SEMA4B: variants seen among roughly 807,000 people sequenced by gnomAD.
The protein encoded by SEMA4B is semaphorin 4B.
A neutral mutation model predicts 88.1 loss-of-function variants in SEMA4B; 55 were observed. The ratio of observed to expected loss-of-function variants is 0.62; its 90% confidence interval spans 0.50 to 0.78. The LOEUF (loss-of-function observed/expected upper bound fraction) is 0.78, where lower values mean the gene tolerates loss of function less well. Among genes scored for constraint, SEMA4B ranks in the 30% least tolerant of loss-of-function variants. The pLI, the probability that SEMA4B is intolerant of heterozygous loss-of-function variation, is 0.00. For missense variants in SEMA4B, 1,062 were observed against 1,111.9 expected (o/e 0.96, Z 0.64); for synonymous variants, 525 against 473.6 (o/e 1.11, Z -1.41).
chr15:90,191,065 A>C (rs1960329979), intron 1 of SEMA4B, among the ~76,000 whole-genome samples: 1 of 152,214 alleles, frequency 6.6e-6, no homozygotes, highest in Admixed American at 6.5e-5. Context: ...TTGGGGGAGC[A>C]GAGGAGTGAC....
At position 90,229,176 on chromosome 15, in the gene SEMA4B, C is replaced by T. The variant is rs1052468371; in HGVS notation, c.*533C>T. ...CGTGCGTTCTGCCTTGCCAGTCAGC[C>T]GAGGATGTAGTTGTTGCTGCCGTCG... On this transcript the variant is annotated 3_prime_UTR_variant, in exon 14 of 14. Transcript: ENST00000411539. 14 of 389,296 alleles carry T rather than the reference C, an allele frequency of 3.6e-5. No individual in the cohort carries two copies. Among genetic ancestry groups the T allele is most frequent in the Admixed American group, 2.7e-4 (9 of 33,614 alleles). 24.1% of individuals were successfully genotyped at this position (389,296 alleles called of 1,614,324 possible). A position where few individuals can be genotyped will look rare whatever the true frequency, so the allele number is the denominator to read the frequency against.
intron 1 of SEMA4B, among the ~76,000 whole-genome samples, chr15:90,204,088 G>A (rs2151596593): frequency 6.6e-6 from 1 of 152,306 alleles, no homozygotes; most frequent in African/African-American, 2.4e-5. Flanking sequence ...GTGGCCTAAG[G>A]CGGTTTCCTG....
chr15:90,222,918 T>C (rs1961934448), intron 7 of SEMA4B, among the ~76,000 whole-genome samples: 1 of 148,396 alleles, frequency 6.7e-6, no homozygotes. Flanking sequence ...CCCCTCCAAA[T>C]CTTTTTTTTT....
Position 90,228,588 on chromosome 15 carries a change from TGTGCCCCCGGCCCC to T in SEMA4B, c.2461_2474del (p.Cys821GlyfsTer9). ...GACAGCTTCGTGGAGGTATCCCCAG[TGTGCCCCCGGCCCC>T]GGGTCCGCCTTGGCTCGGAGATCCG... On this transcript the variant is annotated frameshift_variant, in exon 14 of 14. Coordinates refer to ENST00000411539, the MANE Select transcript of SEMA4B (RefSeq NM_198925.4). LOFTEE classifies it high-confidence loss of function. 1 of 1,613,614 alleles carries T rather than the reference TGTGCCCCCGGCCCC, an allele frequency of 6.2e-7. No homozygotes were observed. Among genetic ancestry groups the T allele is most frequent in the Non-Finnish European group, 8.5e-7 (1 of 1,179,876 alleles).
chr15:90,222,112 G>C (rs188736271), intron 7 of SEMA4B, among the ~76,000 whole-genome samples: 136 of 150,808 alleles, frequency 9.0e-4, no homozygotes, highest in African/African-American at 3.2e-3. Flanking sequence ...GCTAATTTTT[G>C]TATTTTTTGT....
chr15:90,226,311 T>C (rs939022086), intron 12 of SEMA4B, among the ~76,000 whole-genome samples: 9 of 152,230 alleles, frequency 5.9e-5, no homozygotes, highest in Non-Finnish European at 1.5e-5. Flanking sequence ...CATATGTGTA[T>C]AGATAACAAA....
rs1387885567 is a variant in SEMA4B at position 90,212,153 on chromosome 15, TACTCA to T, written c.158-5285_158-5281del. On this transcript the variant is annotated intron_variant, in intron 1 of 13. Coordinates refer to ENST00000411539, the MANE Select transcript of SEMA4B (RefSeq NM_198925.4). The surrounding 1 kb of genome is among the most constrained non-coding windows in gnomAD (Gnocchi z 4.0). ...ACTTCCTACTCAGAACCCCACTTCC[TACTCA>T]GAACCCCACTTCCTGGGGTGGGGAG... Among the ~76,000 whole-genome samples the T allele has an allele frequency of 1.3e-5, 2 of 148,270 alleles. No individual in the cohort carries two copies. The highest frequency in any genetic ancestry group is 4.9e-5 in the African/African-American group (2 of 40,880).
chr15:90,221,745 C>T lies in SEMA4B; in HGVS notation c.841C>T (p.Arg281Cys), dbSNP rs751058803. ...GTTCTTTGAGAACACCATTGTGTCC[C>T]GCATTGCCCGCATCTGCAAGGTGAG... ...FEFFENTIVS[R>C]IARICKGDEG... Residue 281 changes from arginine (R) to cysteine (C), a missense_variant, in exon 7 of 14, where the codon CGC (arginine) becomes TGC (cysteine). By Grantham distance (180) the Arg-to-Cys change is radical (BLOSUM62 -3). Transcript: ENST00000411539. The T allele has an allele frequency of 5.6e-6, 9 of 1,613,834 alleles. No homozygotes were observed. Among genetic ancestry groups the T allele is most frequent in the Middle Eastern group, 1.6e-4 (1 of 6,062 alleles).
rs542609654 is a variant in SEMA4B at position 90,213,539 on chromosome 15, C to T, written c.158-3900C>T. On this transcript the variant is annotated intron_variant, in intron 1 of 13. Transcript: ENST00000411539. ...GGACTGGCTGGTCTATAGGTTTCCC[C>T]TCCAGCCGGCTGCACTCTGTAGTGC... 1.6e-4 allele frequency among the ~76,000 whole-genome samples: 24 copies of T among 152,380 alleles called. No individual in the cohort carries two copies. The South Asian group carries it at 2.5e-3, about 16-fold the overall frequency.
chr15:90,201,853 C>A (rs1960758780), intron 1 of SEMA4B, 118 bp downstream of exon 1: 2 of 971,280 alleles, frequency 2.1e-6, no homozygotes, highest in Non-Finnish European at 1.4e-6. Context: ...GGCACGGGAT[C>A]CATTAGGACC....
At chr15:90,227,853 A>C in intron 13 of SEMA4B, 51 bp from the exon 14 acceptor site, 2 of 1,601,780 alleles carry the variant, frequency 1.2e-6, no homozygotes, top group South Asian at 1.1e-5. Flanking sequence ...GGGAGCTTGG[A>C]GCTACTGTGG....
At chr15:90,221,828 A>T in intron 7 of SEMA4B, 63 bp downstream of exon 7, 3 of 1,532,380 alleles carry the variant, frequency 2.0e-6, no homozygotes, top group Non-Finnish European at 2.7e-6. Context: ...CAGCTGCAAG[A>T]TCACCCACAT....
chr15:90,224,759 A>AG (rs1962050462), intron 9 of SEMA4B, among the ~76,000 whole-genome samples: 1 of 152,138 alleles, frequency 6.6e-6, no homozygotes, highest in African/African-American at 2.4e-5. Context: ...ACAGCAAGGA[A>AG]GCCCTCCAAG....
chr15:90,186,562 G>A (rs1209920619), intron 1 of SEMA4B, among the ~76,000 whole-genome samples: 1 of 151,988 alleles, frequency 6.6e-6, no homozygotes, highest in African/African-American at 2.4e-5. Context: ...GAGGTTCCCT[G>A]AGCCAGCCGA....
chr15:90,229,146 G>T lies in SEMA4B; in HGVS notation c.*503G>T. On this transcript the variant is annotated 3_prime_UTR_variant, in exon 14 of 14. Coordinates refer to ENST00000411539, the MANE Select transcript of SEMA4B (RefSeq NM_198925.4). Reference sequence around the variant, plus strand: ...TCACTGCAGATTCAGGACCAGCTTGGGCTGCGTGCGTTCTGCCTTGCCAGT... The same window carrying T: ...TCACTGCAGATTCAGGACCAGCTTGTGCTGCGTGCGTTCTGCCTTGCCAGT... The T allele has an allele frequency of 2.7e-6, 1 of 368,596 alleles. No individual in the cohort carries two copies. 22.8% of individuals were successfully genotyped at this position (368,596 alleles called of 1,614,324 possible).
In SEMA4B at chr15:90,228,114, G is replaced by A; in HGVS notation, c.1985G>A (p.Gly662Asp). The A allele has an allele frequency of 6.2e-7, 1 of 1,611,540 alleles. No individual in the cohort carries two copies. The highest frequency in any genetic ancestry group is 2.2e-5 in the East Asian group (1 of 44,840). ...GEFQCWSLEEGFQQLVASYCP... is the reference protein window; with the variant it reads ...GEFQCWSLEEDFQQLVASYCP... ...TTCCAGTGCTGGTCACTAGAGGAGG[G>A]CTTCCAGCAGCTGGTAGCCAGCTAC... The change falls in exon 14 of 14, where the codon GGC becomes GAC. Residue 662 changes from glycine to aspartate, a missense_variant. Coordinates refer to ENST00000411539, the MANE Select transcript of SEMA4B (RefSeq NM_198925.4).
chr15:90,227,402 T>G, intron 12 of SEMA4B, 155 bp from the exon 13 acceptor site: 4 of 617,382 alleles, frequency 6.5e-6, no homozygotes, highest in East Asian at 2.8e-5. Flanking sequence ...AGCTTTGACT[T>G]GAAATAATGT....
At position 90,225,645 on chromosome 15, in the gene SEMA4B, G is replaced by T. The variant is rs372222626; in HGVS notation, c.1522-16G>T. 5 of 1,558,146 alleles carry T rather than the reference G, an allele frequency of 3.2e-6. No homozygotes were observed. Among genetic ancestry groups the T allele is most frequent in the Non-Finnish European group, 4.3e-6 (5 of 1,152,736 alleles). On this transcript the variant is annotated splice_polypyrimidine_tract_variant and intron_variant, in intron 11 of 13. Coordinates refer to ENST00000411539, the MANE Select transcript of SEMA4B (RefSeq NM_198925.4). ...CTGCCCATGCCCGCTTCTCATCCCCGTGTCTGGCTGTGCAGGGGCTGCTGT... is the reference window on the plus strand; with the variant it reads ...CTGCCCATGCCCGCTTCTCATCCCCTTGTCTGGCTGTGCAGGGGCTGCTGT...
intron 1 of SEMA4B, among the ~76,000 whole-genome samples, chr15:90,210,784 G>A (rs1961229271): frequency 6.6e-6 from 1 of 152,094 alleles, no homozygotes; most frequent in Non-Finnish European, 1.5e-5. Flanking sequence ...GCGATCCCTG[G>A]GCTCTTGGCA....
Sources: allele counts gnomAD v4.1 joint callset (sites outside exome capture counted in the v4.1 genomes callset), GRCh38; gene constraint gnomAD v4.1.1; non-coding constraint Gnocchi (gnomAD v3.1); transcripts MANE v1.5; gene names NCBI Gene and HGNC (gene_info 2026-07-23, HGNC 2026-07-21).